Variants in TUB observed in about 807,000 individuals in gnomAD.
TUB encodes the protein TUB bipartite transcription factor, also known as tubby protein homolog.
A neutral mutation model predicts 59.7 loss-of-function variants in TUB; 33 were observed. The observed-to-expected ratio is 0.55, with a 90% CI of 0.42 to 0.74. TUB has a LOEUF of 0.74. TUB is among the 30% of genes least tolerant of loss of function. TUB has a pLI of 0.00. For synonymous variants in TUB, 293 were observed against 256.4 expected (o/e 1.14, Z -1.36); for missense variants, 659 against 672.0 (o/e 0.98, Z 0.21).
At position 8,027,945 on chromosome 11, in the gene TUB, A is replaced by G. The variant is rs890129207; in HGVS notation, c.56+8587A>G. The stretch of plus-strand genomic sequence containing the variant: ...GAGTCCGTCTTAGATTCTTTTGGGT[A>G]GTATAAACCTAGGAGTAGAATTGCT... On this transcript the variant is annotated intron_variant, in intron 1 of 11. Coordinates refer to the TUB transcript ENST00000534099. 3.9e-5 allele frequency among the ~76,000 whole-genome samples: 6 copies of G among 152,218 alleles called. No individual in the cohort carries two copies. In the East Asian group the frequency reaches 7.7e-4, roughly 20 times the overall value.
At position 8,101,558 on chromosome 11, in the gene TUB, G is replaced by C; in HGVS notation, c.1460G>C (p.Cys487Ser). 6.2e-7 allele frequency: 1 copy of C among 1,614,236 alleles called. No homozygotes were observed. The highest frequency in any genetic ancestry group is 8.5e-7 in the Non-Finnish European group (1 of 1,180,046). Residue 487 changes from cysteine to serine, a missense_variant, in exon 12 of 12, where the codon TGT becomes TCT. Coordinates refer to ENST00000299506, the MANE Select transcript of TUB (RefSeq NM_177972.3). The stretch of plus-strand genomic sequence containing the variant: ...ACCATGGATTACAACTACCCGCTGT[G>C]TGCACTGCAGGCCTTTGCCATTGCC... ...VFTMDYNYPL[C>S]ALQAFAIALS...
chr11:8,047,585 G>A (rs1942855480), intron 2 of TUB, among the ~76,000 whole-genome samples: 1 of 152,216 alleles, frequency 6.6e-6, no homozygotes, highest in Non-Finnish European at 1.5e-5. Flanking sequence ...GAAGGGCTCT[G>A]TGCAGCAGGG....
Position 8,101,857 on chromosome 11 carries a change from C to CGA in TUB, c.*238_*239insGA. 1.7e-6 allele frequency: 1 copy of CGA among 576,040 alleles called. No individual in the cohort carries two copies. The allele number at this position is 576,040 out of a possible 1,614,324, so 35.7% of individuals were successfully genotyped here. A position where few individuals can be genotyped will look rare whatever the true frequency, so the allele number is the denominator to read the frequency against. The stretch of plus-strand genomic sequence containing the variant: ...AGGGATGAGAATAATTCTTTCCATG[C>CGA]CACGAGATCAACACACACTCCCACC... On this transcript the variant is annotated 3_prime_UTR_variant, in exon 12 of 12. Transcript: ENST00000299506.
At chr11:8,088,170 A>T (rs117455701) in intron 1 of TUB, among the ~76,000 whole-genome samples, 1 of 152,260 alleles carries the variant, frequency 6.6e-6, no homozygotes, top group East Asian at 1.9e-4. Context: ...ACAAGGAAAG[A>T]CCTTCCCAGA....
chr11:8,052,716 C>T (rs988890911), intron 2 of TUB, among the ~76,000 whole-genome samples: 5 of 152,142 alleles, frequency 3.3e-5, no homozygotes, highest in African/African-American at 9.7e-5. Context: ...ACCTCGTGAT[C>T]CGGCCACCTT....
chr11:8,056,343 G>A (rs1943021340), intron 2 of TUB, among the ~76,000 whole-genome samples: 1 of 152,168 alleles, frequency 6.6e-6, no homozygotes, highest in African/African-American at 2.4e-5. Context: ...TTGAGTGTGT[G>A]AGGGCCATAT....
At chr11:8,025,358 T>C (rs1589918271) in intron 1 of TUB, among the ~76,000 whole-genome samples, 2 of 152,124 alleles carry the variant, frequency 1.3e-5, no homozygotes, top group African/African-American at 4.8e-5. Context: ...ATGTGGTTAA[T>C]GGGAAGAATG....
At chr11:8,059,871 CAGA>C (rs1943088905) in intron 2 of TUB, among the ~76,000 whole-genome samples, 1 of 152,034 alleles carries the variant, frequency 6.6e-6, no homozygotes, top group Non-Finnish European at 1.5e-5. Flanking sequence ...TCAAGGAGAC[CAGA>C]AGGAGGCTGG....
chr11:8,019,411 C>T (rs1411522962), intron 1 of TUB: 3 of 1,228,812 alleles, frequency 2.4e-6, no homozygotes, highest in Non-Finnish European at 3.0e-6. Context: ...CCTCGATCTC[C>T]TGCGGGAGAA....
At chr11:8,056,174 C>T (rs2133763696) in intron 2 of TUB, among the ~76,000 whole-genome samples, 1 of 152,324 alleles carries the variant, frequency 6.6e-6, no homozygotes, top group Non-Finnish European at 1.5e-5. Context: ...AAGCCAGGGC[C>T]TGACCTCCAG....
In TUB at chr11:8,100,920, A is replaced by G. The variant is rs1248874061; in HGVS notation, c.1310A>G (p.Gln437Arg). 2 of 1,614,166 alleles carry G rather than the reference A, an allele frequency of 1.2e-6. No homozygotes were observed. Among genetic ancestry groups the G allele is most frequent in the Admixed American group, 1.7e-5 (1 of 60,018 alleles). Residue 437 changes from glutamine to arginine, a missense_variant, in exon 11 of 12, where the codon CAG becomes CGG. Physicochemically the swap from Gln to Arg is conservative, Grantham distance 43. This residue lies in a region of TUB where 226 missense variants were observed against 210.8 expected (regional missense o/e 1.07). Transcript: ENST00000299506. ...ACACCTGTCTGGAATGATGACACAC[A>G]GTCCTATGTACTCAACTTCCATGGG... The part of the protein sequence containing the change: ...NKTPVWNDDT[Q>R]SYVLNFHGRV...
intron 1 of TUB, among the ~76,000 whole-genome samples, chr11:8,024,244 T>G (rs1295733543): frequency 6.6e-6 from 1 of 152,214 alleles, no homozygotes; most frequent in Non-Finnish European, 1.5e-5. Flanking sequence ...CCGGCGTGGA[T>G]CAATGTTAAA....
chr11:8,097,648 TG>T, intron 7 of TUB, 65 bp from the exon 8 acceptor site: 1 of 1,412,670 alleles, frequency 7.1e-7, no homozygotes, highest in Non-Finnish European at 9.9e-7. Flanking sequence ...TCTGTGTGAG[TG>T]GCTCTCATGA....
At position 8,081,375 on chromosome 11, in the gene TUB, G is replaced by A. The variant is rs1263433959; in HGVS notation, c.-136G>A. ...CAGCCGGGGCCCTGGCGTGCAGCGC[G>A]GGCCTCGGCGGGGCCCAGCGCCCCG... On this transcript the variant is annotated 5_prime_UTR_variant, in exon 1 of 12. Transcript: ENST00000299506. 2.0e-6 allele frequency: 2 copies of A among 992,362 alleles called. No homozygotes were observed. The highest frequency in any genetic ancestry group is 1.8e-5 in the African/African-American group (1 of 56,950). 61.5% of individuals were successfully genotyped at this position (992,362 alleles called of 1,614,324 possible). A position where few individuals can be genotyped will look rare whatever the true frequency, so the allele number is the denominator to read the frequency against.
chr11:8,040,952 C>T (rs1942740941), intron 2 of TUB, among the ~76,000 whole-genome samples: 1 of 152,240 alleles, frequency 6.6e-6, no homozygotes, highest in Admixed American at 6.5e-5. Flanking sequence ...CAAGGTCACA[C>T]TGCAAGTTTG....
intron 1 of TUB, among the ~76,000 whole-genome samples, chr11:8,083,392 G>T (rs1212817334): frequency 1.3e-5 from 2 of 152,212 alleles, no homozygotes; most frequent in African/African-American, 2.4e-5. Flanking sequence ...CTCCCAGGGA[G>T]CCAGGGACTA....
chr11:8,098,785 T>G lies in TUB; in HGVS notation c.1026T>G (p.Thr342=). ...LRSNLMGTKF[T]VYDNGVNPQK... Reference sequence around the variant, plus strand: ...CCAACTTGATGGGCACCAAGTTCACTGTTTATGACAATGGAGTCAACCCTC... The same window carrying G: ...CCAACTTGATGGGCACCAAGTTCACGGTTTATGACAATGGAGTCAACCCTC... Residue 342 remains threonine (T), a synonymous_variant, in exon 9 of 12, where the codon ACT becomes ACG. Transcript: ENST00000299506. 1 of 1,614,098 alleles carries G rather than the reference T, an allele frequency of 6.2e-7. No individual in the cohort carries two copies. Among genetic ancestry groups the G allele is most frequent in the Non-Finnish European group, 8.5e-7 (1 of 1,179,998 alleles).
intron 2 of TUB, among the ~76,000 whole-genome samples, chr11:8,043,078 G>C (rs999488852): frequency 2.0e-5 from 3 of 152,010 alleles, no homozygotes; most frequent in African/African-American, 7.2e-5. Flanking sequence ...CTTTCATTTA[G>C]GTCTTTGAAT....
intron 2 of TUB, among the ~76,000 whole-genome samples, chr11:8,046,139 T>C (rs1942828496): frequency 6.6e-6 from 1 of 152,182 alleles, no homozygotes; most frequent in Non-Finnish European, 1.5e-5. Flanking sequence ...ACTCTCTAGC[T>C]CTTCCTTCTG....
Sources: allele counts gnomAD v4.1 joint callset (sites outside exome capture counted in the v4.1 genomes callset), GRCh38; gene constraint gnomAD v4.1.1; regional missense constraint gnomAD v4.1.1; transcripts MANE v1.5; gene names NCBI Gene and HGNC (gene_info 2026-07-23, HGNC 2026-07-21).